POR: variants seen among roughly 807,000 people sequenced by gnomAD.
The protein encoded by POR is cytochrome p450 oxidoreductase, also known as NADPH--cytochrome P450 reductase.
In POR, 56 loss-of-function variants were observed where a neutral mutation model predicts 84.0. That is an observed-to-expected ratio of 0.67 (90% CI 0.54 to 0.83). The LOEUF is 0.83. POR is among the 40% of genes least tolerant of loss of function. The probability of loss-of-function intolerance (pLI) is 0.00; values close to 1 mark genes in which losing one functional copy is unlikely to be tolerated. For missense variants in POR, 938 were observed against 944.3 expected, an observed-to-expected ratio of 0.99 and a Z score of 0.09; for synonymous variants, 414 against 400.5, an observed-to-expected ratio of 1.03 and a Z score of -0.40.
At chr7:75,981,635 T>G in intron 7 of POR, 29 bp downstream of exon 7, 1 of 1,598,552 alleles carries the variant, frequency 6.3e-7, no homozygotes, top group Non-Finnish European at 8.5e-7. Context: ...GTGCGGTGGG[T>G]GGCCTGGGCG....
chr7:75,957,991 C>T (rs1044762171), intron 2 of POR, among the ~76,000 whole-genome samples: 19 of 152,170 alleles, frequency 1.2e-4, no homozygotes, highest in African/African-American at 4.6e-4. Context: ...TCTGTGTCCC[C>T]AACTGTAAGC....
rs1169659566 is a variant in POR at position 75,986,625 on chromosome 7, A to C, written c.*144A>C. On this transcript the variant is annotated 3_prime_UTR_variant, in exon 16 of 16. Transcript: ENST00000461988. ...AAAGACTCCTCTGGGCCTGGGGTGC[A>C]TCCTCCTCAGCCCCCAGGCCAGGTG... 1.9e-6 allele frequency: 2 copies of C among 1,065,766 alleles called. No individual in the cohort carries two copies. The highest frequency in any genetic ancestry group is 2.7e-6 in the Non-Finnish European group (2 of 750,388). The allele number at this position is 1,065,766 out of a possible 1,614,324, so 66.0% of individuals were successfully genotyped here.
intron 1 of POR, among the ~76,000 whole-genome samples, chr7:75,933,375 T>TG (rs1807509915): frequency 1.5e-5 from 2 of 129,214 alleles, no homozygotes; most frequent in African/African-American, 7.7e-5. Flanking sequence ...AATAGGTCTT[T>TG]GTTTTTTTTT....
intron 1 of POR, chr7:75,915,751 C>A (rs1806529828): frequency 6.6e-6 from 1 of 152,348 alleles, no homozygotes; most frequent in South Asian, 2.1e-4. Context: ...GGTGTCTCGG[C>A]GGCCCCCACA....
At chr7:75,967,717 C>G (rs1272349829) in intron 2 of POR, 1 of 222,496 alleles carries the variant, frequency 4.5e-6, no homozygotes, top group Non-Finnish European at 9.6e-6. Context: ...CAAGGAGACC[C>G]GAGTCGGGGT....
intron 1 of POR, among the ~76,000 whole-genome samples, chr7:75,917,214 C>T (rs573212480): frequency 1.5e-4 from 23 of 151,800 alleles, no homozygotes; most frequent in East Asian, 5.8e-4. Context: ...AGTACAGGCA[C>T]GCACCACCAC....
Position 75,983,737 on chromosome 7 carries a change from G to T in POR, c.948-1G>T, listed in dbSNP as rs1554558521. On this transcript the variant is annotated splice_acceptor_variant, in intron 9 of 15. Coordinates refer to ENST00000461988, the MANE Select transcript of POR (RefSeq NM_000941.3). LOFTEE classifies it high-confidence loss of function. The stretch of plus-strand genomic sequence containing the variant: ...CTCCCGAGCCTCACATCTCCCTCCA[G>T]GTATGAATCTGGGGACCACGTGGCT... The T allele has an allele frequency of 6.8e-6, 11 of 1,612,196 alleles. No individual in the cohort carries two copies. Among genetic ancestry groups the T allele is most frequent in the Non-Finnish European group, 9.3e-6 (11 of 1,179,484 alleles).
chr7:75,972,395 C>T lies in POR; in HGVS notation c.189-18C>T, dbSNP rs782278721. 1 of 1,607,224 alleles carries T rather than the reference C, an allele frequency of 6.2e-7. No homozygotes were observed. Among genetic ancestry groups the T allele is most frequent in the Non-Finnish European group, 8.5e-7 (1 of 1,176,524 alleles). ...TGACACCTGCCTCCCACGCTCATTG[C>T]ACACTTTTGTCTTGCAGGACCTCCT... On this transcript the variant is annotated intron_variant, in intron 2 of 15. Coordinates refer to ENST00000461988, the MANE Select transcript of POR (RefSeq NM_000941.3).
Position 75,980,586 on chromosome 7 carries a change from C to G in POR, c.516+98C>G, listed in dbSNP as rs907989926. The G allele has an allele frequency of 1.9e-6, 3 of 1,609,954 alleles. No homozygotes were observed. The South Asian group carries it at 3.3e-5, about 18-fold the overall frequency. ...TCTGAAAGGCAGCCCTCCAGACCCCCACCCTGTCCTCAGCAGCCAGGGCAG... is the reference window on the plus strand; with the variant it reads ...TCTGAAAGGCAGCCCTCCAGACCCCGACCCTGTCCTCAGCAGCCAGGGCAG... On this transcript the variant is annotated intron_variant, in intron 5 of 15. Transcript: ENST00000461988.
chr7:75,953,055 G>C (rs1380328213), intron 1 of POR, among the ~76,000 whole-genome samples: 8 of 152,206 alleles, frequency 5.3e-5, no homozygotes, highest in African/African-American at 1.7e-4. Flanking sequence ...ACGAGACTCC[G>C]TCTGCAATCC....
rs376693603 is a variant in POR at position 75,986,456 on chromosome 7, G to A, written c.2018G>A (p.Arg673His). The A allele has an allele frequency of 6.5e-5, 104 of 1,611,350 alleles. 1 individual carries two copies. Among genetic ancestry groups the A allele is most frequent in the Admixed American group, 1.3e-4 (8 of 59,976 alleles). ...ATCAAGAAACTGATGACCAAGGGCCGCTACTCCCTGGACGTGTGGAGCTAG... is the reference window on the plus strand; with the variant it reads ...ATCAAGAAACTGATGACCAAGGGCCACTACTCCCTGGACGTGTGGAGCTAG... Residue 673 changes from arginine (R) to histidine (H), a missense_variant, in exon 16 of 16, where the codon CGC becomes CAC. By Grantham distance (29) the Arg-to-His change is conservative. Transcript: ENST00000461988.
chr7:75,968,613 C>T (rs1389313988), intron 2 of POR, among the ~76,000 whole-genome samples: 4 of 152,234 alleles, frequency 2.6e-5, no homozygotes, highest in East Asian at 1.9e-4. Context: ...GCACCCTCCC[C>T]GGCAGGATGG....
intron 1 of POR, among the ~76,000 whole-genome samples, chr7:75,952,815 A>G (rs377041181): frequency 4.0e-5 from 6 of 150,886 alleles, no homozygotes; most frequent in Non-Finnish European, 7.4e-5. Context: ...GCGGCCGGGC[A>G]GAGACGCTCC....
At chr7:75,980,733 T>G (rs1436513575) in intron 5 of POR, 32 of 1,499,242 alleles carry the variant, frequency 2.1e-5, no homozygotes, top group Non-Finnish European at 2.9e-5. Context: ...GCAAGAAAGG[T>G]CTGGCTGGAC....
chr7:75,932,801 C>T (rs901652920), intron 1 of POR, among the ~76,000 whole-genome samples: 13 of 151,902 alleles, frequency 8.6e-5, no homozygotes, highest in African/African-American at 2.9e-4. Context: ...GGGTGGATCA[C>T]GAGGTCAGGA....
chr7:75,984,457 G>A (rs1554558681), intron 10 of POR, among the ~76,000 whole-genome samples: 1 of 152,174 alleles, frequency 6.6e-6, no homozygotes. Context: ...TCCACAGCCC[G>A]CCTGTAGGGA....
At chr7:75,958,666 G>C (rs368361398) in intron 2 of POR, among the ~76,000 whole-genome samples, 19 of 151,922 alleles carry the variant, frequency 1.3e-4, no homozygotes, top group Non-Finnish European at 2.5e-4. Context: ...GGCCTCCTAC[G>C]ATAGTGTTAG....
At position 75,977,153 on chromosome 7, in the gene POR, G is replaced by A. The variant is rs559774499; in HGVS notation, c.238-2298G>A. 1.1e-4 allele frequency among the ~76,000 whole-genome samples: 17 copies of A among 152,158 alleles called. No homozygotes were observed. The South Asian group carries it at 2.5e-3, about 22-fold the overall frequency. On this transcript the variant is annotated intron_variant, in intron 3 of 15. Transcript: ENST00000461988. ...CAGAAGTGAGCCACGGCACCCGGCC[G>A]CGTAAGTTTTATTTTGTATGAGGTG... is the stretch of plus-strand genomic sequence containing the variant.
At chr7:75,948,879 T>C (rs1249385493) in intron 1 of POR, among the ~76,000 whole-genome samples, 1 of 152,046 alleles carries the variant, frequency 6.6e-6, no homozygotes, top group Non-Finnish European at 1.5e-5. Flanking sequence ...AGGGTGGGGA[T>C]TGTGGCCAGG....
Sources: gnomAD v4.1 joint callset for allele counts (sites outside exome capture counted in the v4.1 genomes callset) on GRCh38, gnomAD v4.1.1 for gene constraint, MANE v1.5 for transcripts, NCBI Gene and HGNC (gene_info 2026-07-23, HGNC 2026-07-21) for gene names.